Variants in COL4A1 observed in about 807,000 individuals in gnomAD.
COL4A1 encodes collagen alpha-1(IV) chain.
COL4A1 carries 40 observed loss-of-function variants against 216.6 expected under a neutral mutation model. The ratio of observed to expected loss-of-function variants is 0.18; its 90% CI spans 0.14 to 0.24. The LOEUF (loss-of-function observed/expected upper bound fraction) is 0.24, where lower values mean the gene tolerates loss of function less well. Ranked by LOEUF, COL4A1 falls within the 10% of genes least tolerant of loss-of-function variation. COL4A1 has a pLI of 1.00. For synonymous variants in COL4A1, 839 were observed against 810.7 expected (o/e 1.03, Z -0.59); for missense variants, 1,628 against 2,196.8 (o/e 0.74, Z 5.18).
intron 51 of COL4A1, among the ~76,000 whole-genome samples, chr13:110,151,692 C>A (rs931393120): frequency 6.6e-6 from 1 of 152,194 alleles, no homozygotes; most frequent in Non-Finnish European, 1.5e-5. Flanking sequence ...TGCATTGGCT[C>A]CAGCGGGGCT....
chr13:110,192,421 A>C, intron 23 of COL4A1, 137 bp from the exon 24 acceptor site: 1 of 857,628 alleles, frequency 1.2e-6, no homozygotes, highest in South Asian at 1.4e-5. Flanking sequence ...GAGAGTAATA[A>C]CTAAAATGCC....
At position 110,162,227 on chromosome 13, in the gene COL4A1, T is replaced by C. The variant is rs201116557; in HGVS notation, c.4462+3A>G. On this transcript the variant is annotated splice_donor_region_variant and intron_variant, in intron 48 of 51. Coordinates refer to ENST00000375820, the MANE Select transcript of COL4A1 (RefSeq NM_001845.6). ...TGAATGCATGGATCTGCAGGCTTCT[T>C]ACCCAAGTCCTGGCCATGGGCCCGT... 222 of 1,613,724 alleles carry C rather than the reference T, an allele frequency of 1.4e-4. No individual in the cohort carries two copies. The highest frequency in any genetic ancestry group is 1.8e-4 in the Non-Finnish European group (215 of 1,179,702).
intron 2 of COL4A1, among the ~76,000 whole-genome samples, chr13:110,232,289 C>T (rs1032282051): frequency 6.6e-6 from 1 of 152,236 alleles, no homozygotes; most frequent in Non-Finnish European, 1.5e-5. Flanking sequence ...CTGGTTTGCT[C>T]GTTAACTCTG....
intron 36 of COL4A1, among the ~76,000 whole-genome samples, chr13:110,175,854 C>T (rs920486819): frequency 1.3e-5 from 2 of 152,162 alleles, no homozygotes; most frequent in Admixed American, 6.5e-5. Flanking sequence ...GATAACAGCA[C>T]CTGGTCAAGA....
At chr13:110,192,672 G>A (rs571887112) in intron 23 of COL4A1, among the ~76,000 whole-genome samples, 158 bp downstream of exon 23, 2 of 152,288 alleles carry the variant, frequency 1.3e-5, no homozygotes, top group East Asian at 3.9e-4. Context: ...CCAGCAATGT[G>A]GACAAATCCT....
intron 20 of COL4A1, among the ~76,000 whole-genome samples, chr13:110,199,611 G>A (rs1879079789): frequency 6.6e-6 from 1 of 152,250 alleles, no homozygotes. Context: ...CCCTCAGGGT[G>A]AGGAGGACGG....
In COL4A1 at chr13:110,306,985, C is replaced by T. The variant is rs991189007; in HGVS notation, c.43G>A (p.Ala15Thr). The T allele has an allele frequency of 6.1e-6, 9 of 1,476,926 alleles. No individual in the cohort carries two copies. In the Admixed American group the frequency reaches 2.1e-4, roughly 34 times the overall value. 91.5% of individuals were successfully genotyped at this position (1,476,926 alleles called of 1,614,324 possible). Residue 15 changes from alanine (A) to threonine (T), a missense_variant, in exon 1 of 52, where the codon GCC (alanine) becomes ACC (threonine). Physicochemically the swap from Ala to Thr is moderately conservative, Grantham distance 58 (BLOSUM62 0). Coordinates refer to ENST00000375820, the MANE Select transcript of COL4A1 (RefSeq NM_001845.6). ...LSVWLLLLPAALLLHEEHSRA... is the reference protein window; with the variant it reads ...LSVWLLLLPATLLLHEEHSRA... The stretch of plus-strand genomic sequence containing the variant: ...CTGTGCTCCTCGTGGAGCAGAAGGG[C>T]GGCGGGCAGCAGCAGCAGCCAGACG...
intron 1 of COL4A1, among the ~76,000 whole-genome samples, chr13:110,254,814 C>G (rs1423628908): frequency 3.9e-5 from 6 of 152,170 alleles, no homozygotes; most frequent in Non-Finnish European, 8.8e-5. Flanking sequence ...TTCTAAAAAG[C>G]AGACTTAGGT....
chr13:110,173,978 G>C lies in COL4A1; in HGVS notation c.3427C>G (p.Pro1143Ala). Residue 1143 changes from proline to alanine, a missense_variant, in exon 40 of 52, where the codon CCC becomes GCC. Pro to Ala is a conservative substitution (Grantham distance 27, BLOSUM62 -1). Coordinates refer to ENST00000375820, the MANE Select transcript of COL4A1 (RefSeq NM_001845.6). Reference sequence around the variant, plus strand: ...CCTTTCTGGCCAGCTGGGCCTGTGGGGCCAGGAGTCCCAGGAAGACCTCAA... The same window carrying C: ...CCTTTCTGGCCAGCTGGGCCTGTGGCGCCAGGAGTCCCAGGAAGACCTCAA... ...GEAGLPGTPG[P>A]TGPAGQKGEP... 6.2e-7 allele frequency: 1 copy of C among 1,614,124 alleles called. No homozygotes were observed. The highest frequency in any genetic ancestry group is 8.5e-7 in the Non-Finnish European group (1 of 1,180,032).
intron 1 of COL4A1, among the ~76,000 whole-genome samples, chr13:110,278,016 C>A (rs759144186): frequency 6.6e-6 from 1 of 152,152 alleles, no homozygotes; most frequent in Non-Finnish European, 1.5e-5. Context: ...AAAATGATCC[C>A]AAATGGAACT....
intron 1 of COL4A1, among the ~76,000 whole-genome samples, chr13:110,286,705 C>T (rs1351770036): frequency 6.6e-5 from 10 of 152,188 alleles, no homozygotes; most frequent in Admixed American, 2.0e-4. Flanking sequence ...AAACCATGAG[C>T]CCCGGCTCTG....
chr13:110,268,006 G>A lies in COL4A1; in HGVS notation c.85-25272C>T, dbSNP rs1020669014. 8.8e-6 allele frequency among the ~76,000 whole-genome samples: 1 copy of A among 113,746 alleles called. No homozygotes were observed. The highest frequency in any genetic ancestry group is 2.7e-5 in the African/African-American group (1 of 37,034). 74.6% of individuals were successfully genotyped at this position (113,746 alleles called of 152,430 possible). On this transcript the variant is annotated intron_variant, in intron 1 of 51. Coordinates refer to ENST00000375820, the MANE Select transcript of COL4A1 (RefSeq NM_001845.6). This position sits in a 1 kb window ranked among gnomAD's most constrained non-coding sequence, Gnocchi z 4.1. ...CATCATCAACACCTAGAACACAGCT[G>A]CCCCCCTCAAAAAAAAAATACAGAA...
At chr13:110,269,036 C>T (rs977398405) in intron 1 of COL4A1, among the ~76,000 whole-genome samples, 1 of 152,176 alleles carries the variant, frequency 6.6e-6, no homozygotes, top group African/African-American at 2.4e-5. Context: ...AGGCTCACCA[C>T]GATGACCCGG....
intron 50 of COL4A1, among the ~76,000 whole-genome samples, chr13:110,155,000 G>A (rs1187228340): frequency 1.3e-5 from 2 of 152,248 alleles, no homozygotes; most frequent in Non-Finnish European, 2.9e-5. Flanking sequence ...AGCAGCCACA[G>A]GGAAGCAGAG....
chr13:110,269,894 A>G (rs1437961277), intron 1 of COL4A1, among the ~76,000 whole-genome samples: 1 of 152,100 alleles, frequency 6.6e-6, no homozygotes, highest in Non-Finnish European at 1.5e-5. Context: ...CCTCACATAC[A>G]GGGTGAAATG....
In COL4A1 at chr13:110,169,607, A is replaced by G. The variant is rs200387297; in HGVS notation, c.3876+22T>C. 5.0e-6 allele frequency: 8 copies of G among 1,613,754 alleles called. No individual in the cohort carries two copies. The East Asian group carries it at 1.8e-4, about 36-fold the overall frequency. ...CAGAAAAGACTCCTTTAAAAATAAA[A>G]ATCTACAAATCAATAACTCACAGGC... On this transcript the variant is annotated intron_variant, in intron 43 of 51. Coordinates refer to ENST00000375820, the MANE Select transcript of COL4A1 (RefSeq NM_001845.6).
At chr13:110,274,436 C>A (rs754846965) in intron 1 of COL4A1, among the ~76,000 whole-genome samples, 1 of 152,176 alleles carries the variant, frequency 6.6e-6, no homozygotes, top group Non-Finnish European at 1.5e-5. Context: ...ACACAGCCCT[C>A]GGGAGGCTGG....
At chr13:110,219,876 A>ATGTG (rs1566385963) in intron 2 of COL4A1, among the ~76,000 whole-genome samples, 2 of 118,924 alleles carry the variant, frequency 1.7e-5, no homozygotes, top group South Asian at 2.6e-4. Flanking sequence ...GTGTGTATAT[A>ATGTG]TGTATATATA....
chr13:110,214,933 C>T (rs1416451225), intron 2 of COL4A1, among the ~76,000 whole-genome samples: 1 of 152,224 alleles, frequency 6.6e-6, no homozygotes, highest in Non-Finnish European at 1.5e-5. Context: ...GTTTTAAACT[C>T]TTGAGGGCAG....
Sources: gnomAD v4.1 joint callset for allele counts (sites outside exome capture counted in the v4.1 genomes callset) on GRCh38, gnomAD v4.1.1 for gene constraint, Gnocchi (gnomAD v3.1) non-coding constraint, MANE v1.5 for transcripts, NCBI Gene and HGNC (gene_info 2026-07-23, HGNC 2026-07-21) for gene names.